The following PRKACB variants were observed in gnomAD, a reference collection of about 807,000 sequenced individuals.
PRKACB encodes the protein cAMP-dependent protein kinase catalytic subunit beta.
PRKACB carries 16 observed loss-of-function variants against 51.4 expected under a neutral mutation model. That is an observed-to-expected ratio of 0.31 (90% CI 0.21 to 0.47). The LOEUF is 0.47. Ranked by LOEUF, PRKACB falls within the 20% of genes least tolerant of loss-of-function variation. PRKACB has a pLI of 1.00. For synonymous variants in PRKACB, 147 were observed against 154.4 expected (o/e 0.95, Z 0.35); for missense variants, 309 against 464.5 (o/e 0.67, Z 3.08).
rs375971869 is a variant in PRKACB at position 84,173,517 on chromosome 1, A to G, written c.188-5660A>G. Among the ~76,000 whole-genome samples the G allele has an allele frequency of 5.8e-4, 88 of 151,678 alleles. 1 individual carries two copies. The South Asian group carries it at 0.018, about 31-fold the overall frequency. ...GTGTGTATGTGGGGAGGGGGAGAGT[A>G]TTTTTAGAAATACCAAATAAAGCTC... On this transcript the variant is annotated intron_variant, in intron 1 of 9. Coordinates refer to ENST00000370685, the MANE Select transcript of PRKACB (RefSeq NM_182948.4).
Position 84,121,315 on chromosome 1 carries a change from C to A in PRKACB, c.46+42944C>A, listed in dbSNP as rs1374737839. Among the ~76,000 whole-genome samples the A allele has an allele frequency of 3.3e-5, 5 of 151,484 alleles. No individual in the cohort carries two copies. The South Asian group carries it at 1.0e-3, about 32-fold the overall frequency. On this transcript the variant is annotated intron_variant, in intron 1 of 8. Transcript: ENST00000370688. The stretch of plus-strand genomic sequence containing the variant: ...TTCATTATGTTTCTTCTAAATTTAT[C>A]TTGTTTTTTTAATACATAAATTTGA...
chr1:84,096,320 G>C lies in PRKACB; in HGVS notation c.46+17949G>C, dbSNP rs557419738. Among the ~76,000 whole-genome samples, 47 of 152,158 alleles carry C rather than the reference G, an allele frequency of 3.1e-4. No homozygotes were observed. In the South Asian group the frequency reaches 9.3e-3, roughly 30 times the overall value. On this transcript the variant is annotated intron_variant, in intron 1 of 8. Transcript: ENST00000370688. ...TAGTTTTCTAATCTCCTAAAAAGGT[G>C]CTTCTCACTATCTGTTCTTTAGTGT...
At chr1:84,115,734 T>C (rs1429829872) in intron 1 of PRKACB, among the ~76,000 whole-genome samples, 2 of 151,678 alleles carry the variant, frequency 1.3e-5, no homozygotes, top group Non-Finnish European at 2.9e-5. Flanking sequence ...AATATAAAAT[T>C]AGCTGGGCGT....
chr1:84,209,349 A>G (rs1671799986), intron 8 of PRKACB, among the ~76,000 whole-genome samples: 1 of 152,060 alleles, frequency 6.6e-6, no homozygotes, highest in Non-Finnish European at 1.5e-5. Flanking sequence ...AAAACTGACA[A>G]GTTTTTGTCC....
intron 1 of PRKACB, among the ~76,000 whole-genome samples, chr1:84,168,408 TAAC>T (rs1658238504): frequency 6.6e-6 from 1 of 151,588 alleles, no homozygotes; most frequent in South Asian, 2.1e-4. Context: ...CTTTTTGATG[TAAC>T]TAGCATCATT....
chr1:84,231,840 T>C (rs911000099), intron 9 of PRKACB, among the ~76,000 whole-genome samples: 6 of 152,126 alleles, frequency 3.9e-5, no homozygotes, highest in African/African-American at 1.4e-4. Context: ...GCTAGCAGTC[T>C]ATCAATTTTG....
chr1:84,228,163 A>T (rs184841550), intron 9 of PRKACB, among the ~76,000 whole-genome samples: 21 of 152,340 alleles, frequency 1.4e-4, no homozygotes, highest in Admixed American at 1.3e-3. Flanking sequence ...TTTTTACCTT[A>T]TTCTTTTTCA....
In PRKACB at chr1:84,134,894, T is replaced by C. The variant is rs185020123; in HGVS notation, c.47-44283T>C. On this transcript the variant is annotated intron_variant, in intron 1 of 8. Transcript: ENST00000370688. ...TGTCCATATTGAAATTATCACCCAG[T>C]ATGTTGTTACTATTGTTACTTTAAA... 7.9e-5 allele frequency among the ~76,000 whole-genome samples: 12 copies of C among 152,300 alleles called. No homozygotes were observed. In the East Asian group the frequency reaches 2.1e-3, roughly 27 times the overall value.
intron 1 of PRKACB, among the ~76,000 whole-genome samples, chr1:84,153,049 C>A (rs115677547): frequency 1.3e-5 from 2 of 151,948 alleles, no homozygotes; most frequent in Non-Finnish European, 2.9e-5. Context: ...GGCTATTGAT[C>A]GGCGTAATTT....
chr1:84,192,498 GT>G (rs763550747), intron 5 of PRKACB, among the ~76,000 whole-genome samples: 2 of 151,794 alleles, frequency 1.3e-5, no homozygotes, highest in African/African-American at 2.4e-5. Flanking sequence ...TGATTTTCAA[GT>G]GTTTTTAATT....
At chr1:84,180,330 A>G (rs1469632296) in intron 2 of PRKACB, among the ~76,000 whole-genome samples, 1 of 150,828 alleles carries the variant, frequency 6.6e-6, no homozygotes, top group East Asian at 2.0e-4. Context: ...GGAAAACCAA[A>G]CATCATATGT....
chr1:84,144,765 G>T (rs1024868570), intron 1 of PRKACB, among the ~76,000 whole-genome samples: 4 of 151,988 alleles, frequency 2.6e-5, no homozygotes, highest in Non-Finnish European at 5.9e-5. Context: ...TTTTGACTAA[G>T]TTCAATATCA....
intron 5 of PRKACB, among the ~76,000 whole-genome samples, chr1:84,189,471 A>C (rs1243113953): frequency 6.6e-6 from 1 of 151,488 alleles, no homozygotes; most frequent in African/African-American, 2.4e-5. Flanking sequence ...AAAAAAAAAA[A>C]GTTCTAGGAG....
At chr1:84,175,164 G>T in intron 1 of PRKACB, 4 of 1,041,962 alleles carry the variant, frequency 3.8e-6, no homozygotes, top group South Asian at 2.7e-5. Context: ...AGTATATCAA[G>T]TTAATGAAAT....
intron 9 of PRKACB, among the ~76,000 whole-genome samples, chr1:84,227,130 T>C (rs72938494): frequency 0.026 from 3,890 of 152,208 alleles, 176 homozygotes; most frequent in African/African-American, 0.088. Context: ...TTCTGTTTTT[T>C]TGAAGTTGGG....
intron 9 of PRKACB, among the ~76,000 whole-genome samples, chr1:84,233,127 A>G (rs987696613): frequency 1.3e-5 from 2 of 151,932 alleles, no homozygotes; most frequent in Non-Finnish European, 2.9e-5. Flanking sequence ...AAAGTCTCTC[A>G]ACATTTGCTT....
At chr1:84,210,325 A>AAC (rs1671942889) in intron 8 of PRKACB, among the ~76,000 whole-genome samples, 1 of 152,186 alleles carries the variant, frequency 6.6e-6, no homozygotes, top group South Asian at 2.1e-4. Context: ...ATGTTGTACA[A>AAC]ACACCTCTTC....
chr1:84,198,644 T>A (rs1054969757), intron 7 of PRKACB, among the ~76,000 whole-genome samples: 18 of 151,944 alleles, frequency 1.2e-4, no homozygotes, highest in African/African-American at 4.1e-4. Flanking sequence ...TTAAATACAG[T>A]TAACAAATAA....
At chr1:84,140,221 G>A (rs1284530435), upstream of PRKACB, among the ~76,000 whole-genome samples, 5 of 152,244 alleles carry the variant, frequency 3.3e-5, no homozygotes, top group Non-Finnish European at 7.4e-5. Flanking sequence ...CACAAATATG[G>A]TCAATTGATT....
Sources: allele counts gnomAD v4.1 joint callset (sites outside exome capture counted in the v4.1 genomes callset), GRCh38; gene constraint gnomAD v4.1.1; transcripts MANE v1.5; gene names NCBI Gene and HGNC (gene_info 2026-07-23, HGNC 2026-07-21).